Variants in AUTS2 observed in about 807,000 individuals in gnomAD.
The protein encoded by AUTS2 is activator of transcription and developmental regulator AUTS2.
A neutral mutation model predicts 112.4 loss-of-function variants in AUTS2; 17 were observed. That is an observed-to-expected ratio of 0.15 (90% CI 0.10 to 0.23). The LOEUF is 0.23. Among genes scored for constraint, AUTS2 ranks in the 10% least tolerant of loss-of-function variants. The pLI is 1.00. For missense variants in AUTS2, 1,510 were observed against 1,701.6 expected (o/e 0.89, Z 1.98); for synonymous variants, 751 against 702.7 (o/e 1.07, Z -1.09).
intron 5 of AUTS2, among the ~76,000 whole-genome samples, chr7:70,442,301 C>T (rs1404697628): frequency 6.6e-6 from 1 of 152,186 alleles, no homozygotes; most frequent in African/African-American, 2.4e-5. Context: ...AAGACTCATA[C>T]TCAAACCTGA....
chr7:69,762,895 G>C (rs1450312583), intron 1 of AUTS2, among the ~76,000 whole-genome samples: 2 of 152,146 alleles, frequency 1.3e-5, no homozygotes, highest in African/African-American at 2.4e-5. Context: ...GTTCTTACAT[G>C]CTCCTCAGAA....
rs190269197 is a variant in AUTS2, at chr7:70,219,496, G to A, written c.660+84925G>A. 1.6e-3 allele frequency among the ~76,000 whole-genome samples: 238 copies of A among 151,902 alleles called. 2 individuals are homozygous for A. The highest frequency in any genetic ancestry group is 7.7e-4 in the East Asian group (4 of 5,174). The stretch of plus-strand genomic sequence containing the variant: ...CAGTAAAAGATGTCTCCTCACCAGT[G>A]GAAGAACATTTGTATATAACATTTG... On this transcript the variant is annotated intron_variant, in intron 4 of 18. Transcript: ENST00000342771.
chr7:69,934,399 C>G (rs1401454621), intron 2 of AUTS2, among the ~76,000 whole-genome samples: 1 of 152,140 alleles, frequency 6.6e-6, no homozygotes, highest in Non-Finnish European at 1.5e-5. Flanking sequence ...ACATTGACTC[C>G]TTTTTCTGGG....
chr7:70,490,007 C>G (rs1798171693), intron 5 of AUTS2, among the ~76,000 whole-genome samples: 1 of 151,960 alleles, frequency 6.6e-6, no homozygotes, highest in East Asian at 1.9e-4. Flanking sequence ...GGCATGCAGC[C>G]AAAGCAATTC....
chr7:70,622,445 C>T (rs759758208), intron 5 of AUTS2, among the ~76,000 whole-genome samples: 5 of 152,038 alleles, frequency 3.3e-5, no homozygotes, highest in East Asian at 1.9e-4. Flanking sequence ...CCATAGCTCC[C>T]GTCATCCCCA....
chr7:70,020,621 C>T lies in AUTS2; in HGVS notation c.523-97511C>T, dbSNP rs569191367. ...TCTTCTTTCCTGTACACACTCACCA[C>T]CCTCAAATTTCCGCTCAGTAGAGGA... On this transcript the variant is annotated intron_variant, in intron 2 of 18. Transcript: ENST00000342771. Among the ~76,000 whole-genome samples, 6 of 152,270 alleles carry T rather than the reference C, an allele frequency of 3.9e-5. No homozygotes were observed. In the South Asian group the frequency reaches 1.2e-3, roughly 32 times the overall value.
intron 1 of AUTS2, among the ~76,000 whole-genome samples, chr7:69,826,190 T>C (rs1242811927): frequency 2.0e-5 from 3 of 152,164 alleles, no homozygotes; most frequent in African/African-American, 7.2e-5. Flanking sequence ...GATTGAGAAG[T>C]ATATTAAGTA....
At chr7:69,911,891 T>G (rs576473062) in intron 2 of AUTS2, among the ~76,000 whole-genome samples, 12 of 152,250 alleles carry the variant, frequency 7.9e-5, no homozygotes, top group Middle Eastern at 3.4e-3. Context: ...CTTCAGGTTG[T>G]CCCTGGCTTG....
chr7:69,802,638 T>A (rs1320903868), intron 1 of AUTS2, among the ~76,000 whole-genome samples: 4 of 152,232 alleles, frequency 2.6e-5, no homozygotes. Context: ...GAGTACTGGC[T>A]CATAGTGCCT....
chr7:69,681,654 G>A (rs891243829), intron 1 of AUTS2, among the ~76,000 whole-genome samples: 11 of 152,206 alleles, frequency 7.2e-5, no homozygotes, highest in African/African-American at 2.7e-4. Context: ...CCCTGCCATT[G>A]TCATCTGTAG....
intron 2 of AUTS2, among the ~76,000 whole-genome samples, chr7:69,930,373 ACTCAACTCTGTCTC>A (rs1796182872): frequency 6.6e-6 from 1 of 151,702 alleles, no homozygotes. Flanking sequence ...ATGTCCTCAG[ACTCAACTCTGTCTC>A]CTCAATTCAT....
At chr7:69,815,455 A>G (rs1356060411) in intron 1 of AUTS2, among the ~76,000 whole-genome samples, 1 of 152,176 alleles carries the variant, frequency 6.6e-6, no homozygotes, top group African/African-American at 2.4e-5. Flanking sequence ...TGAAAAAAAC[A>G]GGTAGTTTAT....
chr7:69,792,739 TTTATCACAAAGGCC>T (rs564060470), intron 1 of AUTS2, among the ~76,000 whole-genome samples: 77 of 152,160 alleles, frequency 5.1e-4, no homozygotes, highest in African/African-American at 1.7e-3. Flanking sequence ...CCTAAGGCCT[TTTATCACAAAGGCC>T]TTAGGCAAAT....
intron 4 of AUTS2, among the ~76,000 whole-genome samples, chr7:70,209,037 G>A (rs543456081): frequency 6.5e-4 from 99 of 152,280 alleles, no homozygotes; most frequent in African/African-American, 2.1e-3. Flanking sequence ...GAAAAACACT[G>A]TGACTGTTGT....
chr7:70,176,724 G>A (rs140311974), intron 4 of AUTS2, among the ~76,000 whole-genome samples: 4,342 of 152,220 alleles, frequency 0.029, 91 homozygotes, highest in Middle Eastern at 0.12. Context: ...TCTAAAATAT[G>A]TTCAGTGTCT....
intron 4 of AUTS2, among the ~76,000 whole-genome samples, chr7:70,399,537 A>C (rs1270977264): frequency 6.6e-6 from 1 of 152,106 alleles, no homozygotes; most frequent in African/African-American, 2.4e-5. Flanking sequence ...CTCTAGGTTT[A>C]AGATTTGTTT....
At chr7:69,956,588 C>T (rs551037804) in intron 2 of AUTS2, among the ~76,000 whole-genome samples, 5 of 152,184 alleles carry the variant, frequency 3.3e-5, no homozygotes, top group African/African-American at 9.6e-5. Context: ...ACGAAAAAAA[C>T]GGTTGAAATT....
At chr7:70,351,737 T>A (rs577598649) in intron 4 of AUTS2, among the ~76,000 whole-genome samples, 8 of 151,752 alleles carry the variant, frequency 5.3e-5, no homozygotes, top group African/African-American at 1.5e-4. Context: ...AGTCTTGCTC[T>A]GTTGCCCAGG....
intron 5 of AUTS2, among the ~76,000 whole-genome samples, chr7:70,543,562 A>G (rs1800643628): frequency 6.6e-6 from 1 of 151,308 alleles, no homozygotes; most frequent in Non-Finnish European, 1.5e-5. Context: ...AAAAATGCCA[A>G]GCTAGCAGAG....
Sources: gnomAD v4.1 joint callset for allele counts (sites outside exome capture counted in the v4.1 genomes callset) on GRCh38, gnomAD v4.1.1 for gene constraint, MANE v1.5 for transcripts, NCBI Gene and HGNC (gene_info 2026-07-23, HGNC 2026-07-21) for gene names.